Variants in ZNF875 observed in about 807,000 individuals in gnomAD.
ZNF875 encodes the protein HKR1, GLI-Kruppel zinc finger family member.
A neutral mutation model predicts 11.2 loss-of-function variants in ZNF875; 14 were observed. The ratio of observed to expected loss-of-function variants is 1.26; its 90% CI spans 0.83 to 1.96. ZNF875 has a LOEUF of 1.96. Among genes scored for constraint, ZNF875 ranks in the 30% most tolerant of loss-of-function variants. The probability of loss-of-function intolerance (pLI) is 0.00; values close to 1 mark genes in which losing one functional copy is unlikely to be tolerated. For synonymous variants in ZNF875, 301 were observed against 281.1 expected (o/e 1.07, Z -0.71); for missense variants, 752 against 760.4 (o/e 0.99, Z 0.13).
rs141180674 is a variant in ZNF875 at position 37,361,192 on chromosome 19, C to T, written c.257-917C>T. 5.1e-3 allele frequency among the ~76,000 whole-genome samples: 767 copies of T among 149,250 alleles called. 9 individuals are homozygous for T. Among genetic ancestry groups the T allele is most frequent in the African/African-American group, 0.017 (678 of 40,520 alleles). On this transcript the variant is annotated intron_variant, in intron 4 of 4. Transcript: ENST00000392153. Reference sequence around the variant, plus strand: ...GTGGCACGATCTCAGCTCACTGCAACGTCCGCCTCCGGGGTTCAAGCGATT... The same window carrying T: ...GTGGCACGATCTCAGCTCACTGCAATGTCCGCCTCCGGGGTTCAAGCGATT...
At chr19:37,340,561 T>C (rs549588860) in intron 2 of ZNF875, among the ~76,000 whole-genome samples, 1 of 152,240 alleles carries the variant, frequency 6.6e-6, no homozygotes, top group South Asian at 2.1e-4. Context: ...TCAAATATTG[T>C]ATCCTGTTGT....
chr19:37,323,293 A>G (rs905781415), intron 2 of ZNF875, among the ~76,000 whole-genome samples: 19 of 151,958 alleles, frequency 1.3e-4, no homozygotes, highest in African/African-American at 4.6e-4. Context: ...AGCTGGGATT[A>G]CAGGTGCCCA....
At chr19:37,352,418 A>C (rs563785561) in intron 4 of ZNF875, among the ~76,000 whole-genome samples, 2 of 151,590 alleles carry the variant, frequency 1.3e-5, no homozygotes, top group Non-Finnish European at 2.9e-5. Flanking sequence ...TTTTTTTCCT[A>C]TTTTTAGTAG....
chr19:37,358,820 G>A (rs776237695), intron 4 of ZNF875, among the ~76,000 whole-genome samples: 16 of 151,950 alleles, frequency 1.1e-4, no homozygotes, highest in Non-Finnish European at 2.2e-4. Context: ...CGCCTGGCCA[G>A]TTCTCACTTT....
intron 2 of ZNF875, among the ~76,000 whole-genome samples, chr19:37,323,308 C>G (rs1321936093): frequency 6.6e-6 from 1 of 152,040 alleles, no homozygotes; most frequent in Non-Finnish European, 1.5e-5. Context: ...TGCCCACCAC[C>G]ACGCCTGGCT....
chr19:37,333,001 T>C, upstream of ZNF875, among the ~76,000 whole-genome samples: 1 of 152,222 alleles, frequency 6.6e-6, no homozygotes, highest in Non-Finnish European at 1.5e-5. Flanking sequence ...CTGTAAATGC[T>C]TTCCTAGATG....
chr19:37,330,945 G>A (rs2033276611), upstream of ZNF875, among the ~76,000 whole-genome samples: 1 of 152,024 alleles, frequency 6.6e-6, no homozygotes, highest in Admixed American at 6.5e-5. Flanking sequence ...CCCAGCGTTT[G>A]GGAGGCTGAG....
intron 1 of ZNF875, among the ~76,000 whole-genome samples, chr19:37,321,235 AAG>A (rs2031375310): frequency 6.6e-6 from 1 of 152,104 alleles, no homozygotes; most frequent in African/African-American, 2.4e-5. Flanking sequence ...GGATTAGTAA[AAG>A]AGGAGGGCCT....
At chr19:37,327,923 A>C (rs556013709) in intron 4 of ZNF875, among the ~76,000 whole-genome samples, 1 of 152,220 alleles carries the variant, frequency 6.6e-6, no homozygotes, top group African/African-American at 2.4e-5. Context: ...ATGATGAGGG[A>C]ACACAATGTT....
intron 1 of ZNF875, among the ~76,000 whole-genome samples, chr19:37,321,525 A>G (rs959081056): frequency 6.6e-6 from 1 of 152,142 alleles, no homozygotes; most frequent in Non-Finnish European, 1.5e-5. Flanking sequence ...GAACTCAGAG[A>G]CCAGTGCCAG....
chr19:37,325,998 T>C (rs1167150972), intron 4 of ZNF875, among the ~76,000 whole-genome samples: 1 of 152,022 alleles, frequency 6.6e-6, no homozygotes, highest in African/African-American at 2.4e-5. Context: ...CGTGAGCCAC[T>C]GCACTTGGCC....
In ZNF875 at chr19:37,362,226, C is replaced by T; in HGVS notation, c.374C>T (p.Ala125Val). 1.9e-6 allele frequency: 3 copies of T among 1,614,084 alleles called. No homozygotes were observed. Among genetic ancestry groups the T allele is most frequent in the South Asian group, 1.1e-5 (1 of 91,080 alleles). Residue 125 changes from alanine to valine, a missense_variant, in exon 5 of 5, where the codon GCA (alanine) becomes GTA (valine). Coordinates refer to ENST00000392153, the MANE Select transcript of ZNF875 (RefSeq NM_001353803.2). ...HLSQLFSSLW[A>V]GNPLHLGKHY... ...TCTCAGCTGTTTTCAAGTTTATGGG[C>T]AGGAAATCCTCTCCACCTGGGAAAA...
At chr19:37,317,684 C>G (rs2030329990), upstream of ZNF875, among the ~76,000 whole-genome samples, 1 of 152,254 alleles carries the variant, frequency 6.6e-6, no homozygotes, top group Non-Finnish European at 1.5e-5. Context: ...AAAGTTTTTG[C>G]TGCGCATGTA....
intron 2 of ZNF875, among the ~76,000 whole-genome samples, chr19:37,343,717 G>T (rs1056976242): frequency 1.1e-4 from 17 of 152,200 alleles, no homozygotes; most frequent in African/African-American, 4.1e-4. Context: ...GTTTGCTGGT[G>T]TCCCACTGGA....
Position 37,362,418 on chromosome 19 carries a change from C to A in ZNF875, c.566C>A (p.Ser189Tyr). Residue 189 changes from serine to tyrosine, a missense_variant, in exon 5 of 5, where the codon TCC (serine) becomes TAC (tyrosine). Coordinates refer to ENST00000392153, the MANE Select transcript of ZNF875 (RefSeq NM_001353803.2). ...SPPEEQQPAQ[S>Y]KEDNTVVDIG... ...CCTGAAGAACAACAGCCAGCACAGT[C>A]CAAGGAAGACAACACAGTGGTGGAT... The A allele has an allele frequency of 6.2e-7, 1 of 1,614,076 alleles. No individual in the cohort carries two copies. Among genetic ancestry groups the A allele is most frequent in the African/African-American group, 1.3e-5 (1 of 75,004 alleles).
At chr19:37,315,807 GT>G (rs2030153441), upstream of ZNF875, among the ~76,000 whole-genome samples, 6 of 152,010 alleles carry the variant, frequency 3.9e-5, no homozygotes, top group Admixed American at 3.9e-4. Flanking sequence ...AAGCAGAAGT[GT>G]TGCATTCAAT....
At position 37,363,722 on chromosome 19, in the gene ZNF875, G is replaced by A. The variant is rs754709862; in HGVS notation, c.1870G>A (p.Gly624Ser). 5 of 1,613,990 alleles carry A rather than the reference G, an allele frequency of 3.1e-6. No individual in the cohort carries two copies. In the East Asian group the frequency reaches 6.7e-5, roughly 22 times the overall value. ...KPYICRKCGR[G>S]FSRKSNLIRH... ...TTATATTTGCAGAAAGTGTGGACGG[G>A]GCTTTAGTCGGAAGTCCAACCTTAT... Residue 624 changes from glycine (G) to serine (S), a missense_variant, in exon 5 of 5, where the codon GGC becomes AGC. Gly to Ser is a moderately conservative substitution (Grantham distance 56, BLOSUM62 0). Coordinates refer to ENST00000392153, the MANE Select transcript of ZNF875 (RefSeq NM_001353803.2).
intron 2 of ZNF875, among the ~76,000 whole-genome samples, chr19:37,343,455 C>G (rs1022891914): frequency 6.6e-6 from 1 of 151,732 alleles, no homozygotes. Context: ...GTAGGCCCGG[C>G]ATGGCTGAGC....
chr19:37,316,911 C>A (rs2030241955), upstream of ZNF875: 2 of 151,730 alleles, frequency 1.3e-5, no homozygotes, highest in African/African-American at 4.8e-5. Context: ...AAGTAATCCG[C>A]CCGCCTCGGC....
Sources: allele counts gnomAD v4.1 joint callset (sites outside exome capture counted in the v4.1 genomes callset), GRCh38; gene constraint gnomAD v4.1.1; transcripts MANE v1.5; gene names NCBI Gene and HGNC (gene_info 2026-07-23, HGNC 2026-07-21).